EYS: variants seen among roughly 807,000 people sequenced by gnomAD.
EYS encodes the protein protein eyes shut homolog.
EYS carries 250 observed loss-of-function variants against 282.1 expected under a neutral mutation model. The ratio of observed to expected loss-of-function variants is 0.89; its 90% CI spans 0.80 to 0.98. EYS has a LOEUF of 0.98. Among genes scored for constraint, EYS ranks in the 50% least tolerant of loss-of-function variants. The pLI is 0.00. For missense variants in EYS, 4,016 were observed against 3,709.0 expected (o/e 1.08, Z -2.15); for synonymous variants, 1,355 against 1,282.9 (o/e 1.06, Z -1.20).
intron 28 of EYS, among the ~76,000 whole-genome samples, chr6:64,413,525 AAACAAC>A (rs140486442): frequency 1.4e-3 from 201 of 146,060 alleles, no homozygotes; most frequent in African/African-American, 3.5e-3. Flanking sequence ...ATTCTTGTCC[AAACAAC>A]AACAACAACA....
Position 63,788,269 on chromosome 6 carries a change from C to T in EYS, c.7579-20G>A. On this transcript the variant is annotated intron_variant, in intron 38 of 42. Transcript: ENST00000503581. ...ATCTACCTTCGAAAGGGAAAAAAAA[C>T]CTATTAAAAAAGGAATTAATTCCCC... is the stretch of plus-strand genomic sequence containing the variant. 6.6e-7 allele frequency: 1 copy of T among 1,506,032 alleles called. No homozygotes were observed. The highest frequency in any genetic ancestry group is 2.5e-5 in the Admixed American group (1 of 40,330). 93.3% of individuals were successfully genotyped at this position (1,506,032 alleles called of 1,614,324 possible).
chr6:64,143,822 A>G (rs922570183), intron 31 of EYS, among the ~76,000 whole-genome samples: 11 of 152,234 alleles, frequency 7.2e-5, no homozygotes, highest in African/African-American at 2.2e-4. Context: ...TATATAGTCA[A>G]TTATTCTTAA....
intron 37 of EYS, among the ~76,000 whole-genome samples, chr6:63,793,256 G>A (rs1436569070): frequency 1.3e-5 from 2 of 152,218 alleles, no homozygotes; most frequent in African/African-American, 4.8e-5. Flanking sequence ...AAAACAGAAA[G>A]AGAGGGAAGT....
At chr6:64,387,870 T>C (rs1453885975) in intron 29 of EYS, among the ~76,000 whole-genome samples, 1 of 152,132 alleles carries the variant, frequency 6.6e-6, no homozygotes, top group Non-Finnish European at 1.5e-5. Flanking sequence ...TCTATTTTTG[T>C]TTTATTTTAT....
intron 15 of EYS, among the ~76,000 whole-genome samples, chr6:64,919,274 C>T (rs1768262609): frequency 6.6e-6 from 1 of 152,048 alleles, no homozygotes; most frequent in Non-Finnish European, 1.5e-5. Context: ...CGGGTTCAAG[C>T]GATTCTCCTG....
intron 12 of EYS, among the ~76,000 whole-genome samples, chr6:65,128,303 A>C (rs908110917): frequency 2.6e-5 from 4 of 151,990 alleles, no homozygotes; most frequent in Admixed American, 2.0e-4. Context: ...ACACCTATTC[A>C]ATATAGTATT....
chr6:64,510,369 A>G (rs982797774), intron 26 of EYS, among the ~76,000 whole-genome samples: 2 of 152,142 alleles, frequency 1.3e-5, no homozygotes, highest in African/African-American at 4.8e-5. Flanking sequence ...TTTTAATACT[A>G]TCGCACATTG....
At chr6:64,556,581 T>G (rs1018097874) in intron 26 of EYS, among the ~76,000 whole-genome samples, 5 of 152,006 alleles carry the variant, frequency 3.3e-5, no homozygotes, top group South Asian at 4.1e-4. Flanking sequence ...TCTAAATTAA[T>G]CAAATTATAT....
intron 29 of EYS, among the ~76,000 whole-genome samples, chr6:64,327,733 G>A (rs1263673062): frequency 6.6e-6 from 1 of 152,110 alleles, no homozygotes; most frequent in African/African-American, 2.4e-5. Flanking sequence ...GGATTCACAG[G>A]AAAAGCAGAA....
intron 13 of EYS, among the ~76,000 whole-genome samples, chr6:65,050,667 G>A (rs911874941): frequency 1.3e-5 from 2 of 151,542 alleles, no homozygotes; most frequent in Admixed American, 1.3e-4. Flanking sequence ...GAGTAGACTG[G>A]AGCATTTAAT....
chr6:63,840,247 G>A (rs1771921882), intron 36 of EYS, among the ~76,000 whole-genome samples: 2 of 117,010 alleles, frequency 1.7e-5, no homozygotes, highest in South Asian at 5.1e-4. Flanking sequence ...TGTATTTTTA[G>A]TAGAGACAGG....
chr6:65,287,981 C>A (rs1221475017), intron 12 of EYS, among the ~76,000 whole-genome samples: 2 of 151,168 alleles, frequency 1.3e-5, no homozygotes, highest in African/African-American at 2.4e-5. Context: ...TAATGCCCAA[C>A]TTTATTTCCC....
At chr6:64,252,829 A>G (rs1488142778) in intron 30 of EYS, among the ~76,000 whole-genome samples, 3 of 152,166 alleles carry the variant, frequency 2.0e-5, no homozygotes, top group Non-Finnish European at 2.9e-5. Flanking sequence ...TTATCACCCT[A>G]TACTGCAATA....
intron 36 of EYS, among the ~76,000 whole-genome samples, chr6:63,828,829 T>A (rs984521121): frequency 7.9e-5 from 12 of 152,078 alleles, no homozygotes; most frequent in Non-Finnish European, 2.9e-5. Context: ...GTGGATGTGG[T>A]GAACAGGGAA....
chr6:64,240,718 CT>C (rs768900180), intron 30 of EYS, among the ~76,000 whole-genome samples: 21 of 152,150 alleles, frequency 1.4e-4, no homozygotes, highest in Non-Finnish European at 2.2e-4. Flanking sequence ...TTGGCTTCCT[CT>C]TTTCCTGATT....
At chr6:65,306,758 G>T in intron 11 of EYS, among the ~76,000 whole-genome samples, 1 of 131,264 alleles carries the variant, frequency 7.6e-6, no homozygotes, top group South Asian at 2.6e-4. Flanking sequence ...GTGTGAACCT[G>T]GGAGGCGGAG....
intron 31 of EYS, among the ~76,000 whole-genome samples, chr6:64,140,290 T>G (rs915652577): frequency 6.6e-6 from 1 of 152,252 alleles, no homozygotes; most frequent in Non-Finnish European, 1.5e-5. Context: ...AAGCCCTATA[T>G]GATTATTTCT....
At chr6:64,145,991 T>G (rs1774506722) in intron 31 of EYS, among the ~76,000 whole-genome samples, 1 of 152,168 alleles carries the variant, frequency 6.6e-6, no homozygotes, top group African/African-American at 2.4e-5. Flanking sequence ...TCTTCTAAAG[T>G]AAGATAGTGT....
chr6:64,990,893 T>C lies in EYS; in HGVS notation c.2259+6689A>G, dbSNP rs116174932. On this transcript the variant is annotated intron_variant, in intron 14 of 42. Transcript: ENST00000503581. ...CTTTTTCTCAGGTTCTGTTTGCTTT[T>C]ATTTTGCATGTAATCCTGATAAATT... is the stretch of plus-strand genomic sequence containing the variant. 1.9e-3 allele frequency among the ~76,000 whole-genome samples: 285 copies of C among 151,676 alleles called. 2 individuals are homozygous for C. Among genetic ancestry groups the C allele is most frequent in the African/African-American group, 6.7e-3 (280 of 41,512 alleles).
Sources: gnomAD v4.1 joint callset for allele counts (sites outside exome capture counted in the v4.1 genomes callset) on GRCh38, gnomAD v4.1.1 for gene constraint, MANE v1.5 for transcripts, NCBI Gene and HGNC (gene_info 2026-07-23, HGNC 2026-07-21) for gene names.